Variants in KIAA1614 observed in about 807,000 individuals in gnomAD.
KIAA1614 encodes the protein KIAA1614, also known as uncharacterized protein KIAA1614.
A neutral mutation model predicts 88.7 loss-of-function variants in KIAA1614; 76 were observed. That is an observed-to-expected ratio of 0.86 (90% CI 0.71 to 1.04). The LOEUF is 1.04. KIAA1614 is among the 50% of genes least tolerant of loss of function. The pLI, the probability that KIAA1614 is intolerant of heterozygous loss-of-function variation, is 0.00. For missense variants in KIAA1614, 1,553 were observed against 1,582.5 expected (o/e 0.98, Z 0.32); for synonymous variants, 714 against 675.5 (o/e 1.06, Z -0.88).
At chr1:180,937,909 T>C (rs1217838840) in intron 5 of KIAA1614, among the ~76,000 whole-genome samples, 1 of 152,188 alleles carries the variant, frequency 6.6e-6, no homozygotes, top group African/African-American at 2.4e-5. Context: ...CTGACCTCTC[T>C]GGGCAACGTG....
rs1160073257 is a variant in KIAA1614, at chr1:180,949,078, T to A, written c.*3490T>A. On this transcript the variant is annotated 3_prime_UTR_variant, in exon 9 of 9. Coordinates refer to ENST00000367588, the MANE Select transcript of KIAA1614 (RefSeq NM_020950.2). ...TGGTGACTAGTTTCAAGCCAGAGAT[T>A]GAGGAGCAGACCTGATGCCCTTTCG... The A allele has an allele frequency of 1.3e-5, 2 of 152,298 alleles. No individual in the cohort carries two copies. The highest frequency in any genetic ancestry group is 4.8e-5 in the African/African-American group (2 of 41,458). The allele number at this position is 152,298 out of a possible 1,614,324, so 9.4% of individuals were successfully genotyped here.
chr1:180,920,396 G>A (rs1310417482), intron 3 of KIAA1614, among the ~76,000 whole-genome samples: 1 of 152,214 alleles, frequency 6.6e-6, no homozygotes, highest in African/African-American at 2.4e-5. Context: ...AGGACTTTGG[G>A]GAGAGAATGC....
chr1:180,924,922 G>T (rs1384771726), intron 3 of KIAA1614, among the ~76,000 whole-genome samples: 1 of 21,834 alleles, frequency 4.6e-5, no homozygotes, highest in Admixed American at 5.3e-4. Context: ...GCTAACATTT[G>T]TGGACTCTTA....
In KIAA1614 at chr1:180,950,470, G is replaced by A; in HGVS notation, c.*4882G>A. On this transcript the variant is annotated 3_prime_UTR_variant, in exon 9 of 9. Coordinates refer to ENST00000367588, the MANE Select transcript of KIAA1614 (RefSeq NM_020950.2). The stretch of plus-strand genomic sequence containing the variant: ...GGCTGGGCTTGGCTCACATTAAGGA[G>A]CTCCTGGCCCACTCAGAGAGCTTGT... 1.7e-6 allele frequency: 2 copies of A among 1,159,134 alleles called. No individual in the cohort carries two copies. The highest frequency in any genetic ancestry group is 2.2e-6 in the Non-Finnish European group (2 of 923,062). The allele number at this position is 1,159,134 out of a possible 1,614,324, so 71.8% of individuals were successfully genotyped here.
chr1:180,935,068 TC>T lies in KIAA1614; in HGVS notation c.1206-43del. On this transcript the variant is annotated intron_variant, in intron 4 of 8. Transcript: ENST00000367588. The surrounding 1 kb of genome is among the most constrained non-coding windows in gnomAD (Gnocchi z 6.1). The stretch of plus-strand genomic sequence containing the variant: ...GGTAGGGCCGATGCGTGTCCATACC[TC>T]CCCAGGTTTCTGCCCTTGACCTCTC... 7.7e-7 allele frequency: 1 copy of T among 1,299,218 alleles called. No homozygotes were observed. The highest frequency in any genetic ancestry group is 9.9e-7 in the Non-Finnish European group (1 of 1,005,392). The allele number at this position is 1,299,218 out of a possible 1,614,324, so 80.5% of individuals were successfully genotyped here. A position where few individuals can be genotyped will look rare whatever the true frequency, so the allele number is the denominator to read the frequency against.
chr1:180,937,489 G>A (rs921171088), intron 5 of KIAA1614, among the ~76,000 whole-genome samples: 2 of 152,216 alleles, frequency 1.3e-5, no homozygotes. Flanking sequence ...GCAGGCTCAG[G>A]CTCTGATCCC....
chr1:180,941,060 T>G lies in KIAA1614; in HGVS notation c.2934T>G (p.Ala978=). ...TGTGTTTCAGAGCATCAGCAGGAGCTGGCACAGGACCCGGCTCCCCCTCGG... is the reference window on the plus strand; with the variant it reads ...TGTGTTTCAGAGCATCAGCAGGAGCGGGCACAGGACCCGGCTCCCCCTCGG... ...GHVLSRASAG[A]GTGPGSPSAA... Residue 978 remains alanine (A), a synonymous_variant, in exon 7 of 9, where the codon GCT becomes GCG. Transcript: ENST00000367588. The G allele has an allele frequency of 7.5e-7, 1 of 1,328,402 alleles. No individual in the cohort carries two copies. Among genetic ancestry groups the G allele is most frequent in the Non-Finnish European group, 9.9e-7 (1 of 1,005,286 alleles). 82.3% of individuals were successfully genotyped at this position (1,328,402 alleles called of 1,614,324 possible).
At chr1:180,943,253 CT>C (rs1654510088) in intron 7 of KIAA1614, among the ~76,000 whole-genome samples, 1 of 152,084 alleles carries the variant, frequency 6.6e-6, no homozygotes, top group African/African-American at 2.4e-5. Context: ...TCTCAAACTC[CT>C]GACTTCATGT....
At chr1:180,914,090 C>T (rs943733744) in intron 1 of KIAA1614, 4 of 150,850 alleles carry the variant, frequency 2.7e-5, no homozygotes, top group African/African-American at 7.3e-5. Context: ...GTCCGTGTTA[C>T]GAAGTGGATA....
intron 4 of KIAA1614, among the ~76,000 whole-genome samples, chr1:180,934,012 T>G (rs1328125197): frequency 6.6e-6 from 1 of 152,324 alleles, no homozygotes; most frequent in South Asian, 2.1e-4. Context: ...CCCAGCACTT[T>G]GGGAGGTCGA....
intron 6 of KIAA1614, 32 bp from the exon 7 acceptor site, chr1:180,941,013 C>A: frequency 1.5e-6 from 2 of 1,315,876 alleles, no homozygotes; most frequent in Non-Finnish European, 2.0e-6. Context: ...CCGGCCCTCC[C>A]CCGCCCCCTC....
Position 180,935,383 on chromosome 1 carries a change from CCCGACCTCG to C in KIAA1614, c.1480_1488del (p.Leu494_Asp496del). 6.8e-7 allele frequency: 1 copy of C among 1,468,166 alleles called. No individual in the cohort carries two copies. The highest frequency in any genetic ancestry group is 2.4e-5 in the East Asian group (1 of 40,952). 90.9% of individuals were successfully genotyped at this position (1,468,166 alleles called of 1,614,324 possible). A position where few individuals can be genotyped will look rare whatever the true frequency, so the allele number is the denominator to read the frequency against. On this transcript the variant is annotated inframe_deletion, in exon 5 of 9. Coordinates refer to ENST00000367588, the MANE Select transcript of KIAA1614 (RefSeq NM_020950.2). This position sits in a 1 kb window ranked among gnomAD's most constrained non-coding sequence, Gnocchi z 6.1. ...GGACCAGGGCCCCCTGCGCTCCAAG[CCCGACCTCG>C]CCGACTACATCAACGGGGCTCCCCG... is the stretch of plus-strand genomic sequence containing the variant.
intron 3 of KIAA1614, among the ~76,000 whole-genome samples, chr1:180,920,091 G>A (rs1202650322): frequency 6.6e-6 from 1 of 152,220 alleles, no homozygotes; most frequent in East Asian, 1.9e-4. Context: ...GCGCTCTGCA[G>A]TGAGGTCCCT....
Position 180,951,346 on chromosome 1 carries a change from T to G in KIAA1614, c.*5758T>G, listed in dbSNP as rs1176852641. On this transcript the variant is annotated 3_prime_UTR_variant, in exon 9 of 9. Coordinates refer to ENST00000367588, the MANE Select transcript of KIAA1614 (RefSeq NM_020950.2). ...GGTGGAGGCAAGAGTTGCTGCAACC[T>G]GACCTGTGGCAGCCTCCATCTTAGT... The G allele has an allele frequency of 6.6e-6, 1 of 152,288 alleles. No individual in the cohort carries two copies. Among genetic ancestry groups the G allele is most frequent in the Non-Finnish European group, 1.5e-5 (1 of 68,088 alleles). 9.4% of individuals were successfully genotyped at this position (152,288 alleles called of 1,614,324 possible).
At chr1:180,917,970 T>G in intron 3 of KIAA1614, 56 bp downstream of exon 3, 1 of 1,459,086 alleles carries the variant, frequency 6.9e-7, no homozygotes, top group South Asian at 1.1e-5. Flanking sequence ...GGTCCCTCTA[T>G]TTACTCAGCA....
At chr1:180,942,301 C>T (rs1654486553) in intron 7 of KIAA1614, among the ~76,000 whole-genome samples, 1 of 152,238 alleles carries the variant, frequency 6.6e-6, no homozygotes, top group Admixed American at 6.5e-5. Context: ...GGCTCTCCCT[C>T]ACGAAGCGCC....
At position 180,935,568 on chromosome 1, in the gene KIAA1614, G is replaced by T. The variant is rs957421656; in HGVS notation, c.1659G>T (p.Ala553=). The change falls in exon 5 of 9, where the codon GCG becomes GCT. Residue 553 remains alanine (A), a synonymous_variant. Coordinates refer to ENST00000367588, the MANE Select transcript of KIAA1614 (RefSeq NM_020950.2). This position sits in a 1 kb window ranked among gnomAD's most constrained non-coding sequence, Gnocchi z 6.1. ...IDDPRPAQGK[A]PPVPRTLQEL... is the part of the protein sequence containing the mutation. The stretch of plus-strand genomic sequence containing the variant: ...ACCCGCGCCCCGCCCAGGGGAAGGC[G>T]CCCCCCGTCCCCAGGACCCTCCAGG... 5 of 1,602,730 alleles carry T rather than the reference G, an allele frequency of 3.1e-6. No individual in the cohort carries two copies. The East Asian group carries it at 1.1e-4, about 36-fold the overall frequency.
At position 180,945,386 on chromosome 1, in the gene KIAA1614, TG is replaced by T; in HGVS notation, c.3373del (p.Glu1125ArgfsTer78). 1 of 1,600,884 alleles carries T rather than the reference TG, an allele frequency of 6.2e-7. No homozygotes were observed. The highest frequency in any genetic ancestry group is 8.5e-7 in the Non-Finnish European group (1 of 1,175,790). ...CTGGCTCGCACCGTGGGCCGCCTGGTGGAGGTGTTCCCAGACGGCACCAGCC... is the reference window on the plus strand; with the variant it reads ...CTGGCTCGCACCGTGGGCCGCCTGGTGAGGTGTTCCCAGACGGCACCAGCC... Reference protein sequence around the residue: ...PSLARTVGRLVEVFPDGTSQL... With the variant: ...PSLARTVGRLXEVFPDGTSQL... On this transcript the variant is annotated frameshift_variant, in exon 9 of 9. Coordinates refer to ENST00000367588, the MANE Select transcript of KIAA1614 (RefSeq NM_020950.2). LOFTEE classifies it low-confidence loss of function (END_TRUNC).
In KIAA1614 at chr1:180,943,027, G is replaced by GTTTTTTTTTTTTTTTTTTTTTTTTTTT. The variant is rs1261396134; in HGVS notation, c.3160-1362_3160-1361insTTTTTTTTTTTTTTTTTTTTTTTTTTT. On this transcript the variant is annotated intron_variant, in intron 7 of 8. Transcript: ENST00000367588. ...GTTTGCTGGGAGGCTTAGTTTTTTG[G>GTTTTTTTTTTTTTTTTTTTTTTTTTTT]GTTTTTTTTTTTTTTTTAAGATGGA... Among the ~76,000 whole-genome samples, 7 of 22,354 alleles carry GTTTTTTTTTTTTTTTTTTTTTTTTTTT rather than the reference G, an allele frequency of 3.1e-4. 1 individual carries two copies. Among genetic ancestry groups the GTTTTTTTTTTTTTTTTTTTTTTTTTTT allele is most frequent in the African/African-American group, 6.6e-4 (7 of 10,556 alleles). The allele number at this position is 22,354 out of a possible 152,430, so 14.7% of individuals were successfully genotyped here. A position where few individuals can be genotyped will look rare whatever the true frequency, so the allele number is the denominator to read the frequency against.
Sources: gnomAD v4.1 joint callset for allele counts (sites outside exome capture counted in the v4.1 genomes callset) on GRCh38, gnomAD v4.1.1 for gene constraint, Gnocchi (gnomAD v3.1) non-coding constraint, MANE v1.5 for transcripts, NCBI Gene and HGNC (gene_info 2026-07-23, HGNC 2026-07-21) for gene names.